TNIK: variants seen among roughly 807,000 people sequenced by gnomAD.
The protein encoded by TNIK is TRAF2 and NCK interacting kinase, also known as TRAF2 and NCK-interacting protein kinase.
A neutral mutation model predicts 191.3 loss-of-function variants in TNIK; 49 were observed. The observed-to-expected ratio is 0.26, with a 90% CI of 0.20 to 0.32. The LOEUF (loss-of-function observed/expected upper bound fraction) is 0.32. Ranked by LOEUF, TNIK falls within the 10% of genes least tolerant of loss-of-function variation. The pLI, the probability that TNIK is intolerant of heterozygous loss-of-function variation, is 1.00. For missense variants in TNIK, 1,155 were observed against 1,702.3 expected (o/e 0.68, Z 5.66); for synonymous variants, 594 against 600.9 (o/e 0.99, Z 0.17).
chr3:171,196,066 A>T (rs191329284), intron 4 of TNIK, among the ~76,000 whole-genome samples: 46 of 152,332 alleles, frequency 3.0e-4, no homozygotes, highest in African/African-American at 1.1e-3. Flanking sequence ...AAAGAATATG[A>T]CTGGCACTGT....
intron 16 of TNIK, 90 bp from the exon 17 acceptor site, chr3:171,126,241 AGTTCAAGGGCAC>A: frequency 7.3e-7 from 1 of 1,367,474 alleles, no homozygotes; most frequent in Non-Finnish European, 9.6e-7. Flanking sequence ...AAAAAAAAAA[AGTTCAAGGGCAC>A]AAAAATTGGA....
At chr3:171,349,528 A>T (rs1712791810) in intron 2 of TNIK, among the ~76,000 whole-genome samples, 1 of 152,222 alleles carries the variant, frequency 6.6e-6, no homozygotes, top group African/African-American at 2.4e-5. Flanking sequence ...TAATCACTTC[A>T]GGGTGAGGAA....
intron 24 of TNIK, among the ~76,000 whole-genome samples, chr3:171,086,885 TTATC>T (rs2108386211): frequency 6.6e-6 from 1 of 152,346 alleles, no homozygotes; most frequent in African/African-American, 2.4e-5. Context: ...CTCTAAGAAC[TTATC>T]TATTTATTAA....
Position 171,110,772 on chromosome 3 carries a change from G to A in TNIK, c.2226C>T (p.Ser742=). Reference sequence around the variant, plus strand: ...GTGATCCAGGCTGGGAGCCTCCTTGGGAGCTGGGCTGGGAGCTAGGGGTGC... The same window carrying A: ...GTGATCCAGGCTGGGAGCCTCCTTGAGAGCTGGGCTGGGAGCTAGGGGTGC... The part of the protein sequence containing the change: ...SSSTPSSQPS[S]QGGSQPGSQA... The change falls in exon 19 of 33, where the codon TCC becomes TCT. Residue 742 remains serine, a synonymous_variant. Coordinates refer to ENST00000436636, the MANE Select transcript of TNIK (RefSeq NM_015028.4). The A allele has an allele frequency of 6.2e-7, 1 of 1,603,764 alleles. No homozygotes were observed. Among genetic ancestry groups the A allele is most frequent in the East Asian group, 2.2e-5 (1 of 44,592 alleles).
intron 4 of TNIK, among the ~76,000 whole-genome samples, chr3:171,204,889 TG>T (rs1212493252): frequency 6.6e-6 from 1 of 152,174 alleles, no homozygotes; most frequent in Non-Finnish European, 1.5e-5. Flanking sequence ...TTAGCTAGCA[TG>T]CTGGCTTCAT....
intron 1 of TNIK, chr3:171,439,733 A>G (rs929957745): frequency 6.6e-6 from 1 of 152,240 alleles, no homozygotes; most frequent in African/African-American, 2.4e-5. Flanking sequence ...ACATTTCAGT[A>G]TAGTTCTTGG....
chr3:171,262,372 T>C (rs1747752754), intron 2 of TNIK, among the ~76,000 whole-genome samples: 1 of 152,132 alleles, frequency 6.6e-6, no homozygotes, highest in South Asian at 2.1e-4. Context: ...AGTGATTAGA[T>C]TGACAGAAAG....
At chr3:171,078,686 C>T (rs1279649431) in intron 28 of TNIK, among the ~76,000 whole-genome samples, 1 of 152,130 alleles carries the variant, frequency 6.6e-6, no homozygotes, top group Admixed American at 6.5e-5. Flanking sequence ...TTGGTATAGA[C>T]AGGCTTATCT....
chr3:171,383,617 CTG>C, intron 1 of TNIK, among the ~76,000 whole-genome samples: 1 of 152,228 alleles, frequency 6.6e-6, no homozygotes, highest in South Asian at 2.1e-4. Flanking sequence ...TATTATTGGT[CTG>C]TGCAAAAGCA....
At chr3:171,380,010 A>AACAC (rs142059726) in intron 1 of TNIK, among the ~76,000 whole-genome samples, 21 of 123,286 alleles carry the variant, frequency 1.7e-4, no homozygotes, top group Admixed American at 1.2e-3. Flanking sequence ...ACTTGGTCAA[A>AACAC]ACACACACAC....
At chr3:171,448,860 A>C (rs901742249) in intron 1 of TNIK, among the ~76,000 whole-genome samples, 21 of 152,090 alleles carry the variant, frequency 1.4e-4, no homozygotes, top group Admixed American at 1.4e-3. Context: ...CCATCAACCC[A>C]TCATATACAT....
intron 2 of TNIK, among the ~76,000 whole-genome samples, chr3:171,341,471 C>CAAAAAAAA (rs57372024): frequency 2.7e-5 from 1 of 36,380 alleles, no homozygotes; most frequent in Non-Finnish European, 4.6e-5. Context: ...GACTCTGTCT[C>CAAAAAAAA]AAAAAAAAAA....
intron 12 of TNIK, among the ~76,000 whole-genome samples, chr3:171,154,907 A>G (rs1319890731): frequency 6.6e-6 from 1 of 152,220 alleles, no homozygotes; most frequent in Non-Finnish European, 1.5e-5. Flanking sequence ...CAGTGACAAC[A>G]TTCAGTGTAT....
chr3:171,370,493 T>C (rs1285800659), intron 1 of TNIK, among the ~76,000 whole-genome samples: 1 of 152,222 alleles, frequency 6.6e-6, no homozygotes, highest in Non-Finnish European at 1.5e-5. Flanking sequence ...TAAAATTCTA[T>C]TCAGAGGCAG....
chr3:171,405,113 A>G (rs1334514068), intron 1 of TNIK, among the ~76,000 whole-genome samples: 5 of 152,186 alleles, frequency 3.3e-5, no homozygotes, highest in African/African-American at 1.2e-4. Flanking sequence ...GAGGAAATGT[A>G]GGCAGAGAAA....
chr3:171,281,732 A>G (rs1463357299), intron 2 of TNIK, among the ~76,000 whole-genome samples: 1 of 152,218 alleles, frequency 6.6e-6, no homozygotes, highest in African/African-American at 2.4e-5. Context: ...CACAGTCCCA[A>G]CCCTGAAGGT....
At chr3:171,435,416 G>A (rs1215150666) in intron 1 of TNIK, among the ~76,000 whole-genome samples, 1 of 152,204 alleles carries the variant, frequency 6.6e-6, no homozygotes, top group Non-Finnish European at 1.5e-5. Flanking sequence ...CTGTGAGAAA[G>A]AAAAAGGATG....
chr3:171,331,987 T>A (rs1448844802), intron 2 of TNIK, among the ~76,000 whole-genome samples: 1 of 147,856 alleles, frequency 6.8e-6, no homozygotes, highest in Non-Finnish European at 1.5e-5. Context: ...CACTACTATC[T>A]TTGCAACTTT....
chr3:171,069,782 T>G (rs1240773163), intron 29 of TNIK, among the ~76,000 whole-genome samples: 1 of 152,204 alleles, frequency 6.6e-6, no homozygotes, highest in East Asian at 1.9e-4. Context: ...GGGAGAGCAT[T>G]TGTGAAACTA....
Sources: gnomAD v4.1 joint callset for allele counts (sites outside exome capture counted in the v4.1 genomes callset) on GRCh38, gnomAD v4.1.1 for gene constraint, MANE v1.5 for transcripts, NCBI Gene and HGNC (gene_info 2026-07-23, HGNC 2026-07-21) for gene names.